Variants in OPCML observed in about 807,000 individuals in gnomAD.
The protein encoded by OPCML is opioid binding protein/cell adhesion molecule like, also known as opioid-binding protein/cell adhesion molecule.
In OPCML, 13 loss-of-function variants were observed where a neutral mutation model predicts 37.8. That is an observed-to-expected ratio of 0.34 (90% CI 0.22 to 0.55). The LOEUF (loss-of-function observed/expected upper bound fraction) is 0.55, where lower values mean the gene tolerates loss of function less well. OPCML is among the 20% of genes least tolerant of loss of function. The pLI, the probability that OPCML is intolerant of heterozygous loss-of-function variation, is 0.91. For missense variants in OPCML, 341 were observed against 435.6 expected, an observed-to-expected ratio of 0.78 and a Z score of 1.93; for synonymous variants, 176 against 168.8, an observed-to-expected ratio of 1.04 and a Z score of -0.33.
chr11:133,388,764 C>T (rs1222764245), intron 1 of OPCML, among the ~76,000 whole-genome samples: 3 of 152,104 alleles, frequency 2.0e-5, no homozygotes, highest in East Asian at 3.8e-4. Context: ...ATTGAGTTAT[C>T]ATATAAGGAT....
chr11:132,657,440 T>G, intron 2 of OPCML, 121 bp from the exon 3 acceptor site: 1 of 1,443,826 alleles, frequency 6.9e-7, no homozygotes, highest in East Asian at 2.5e-5. Flanking sequence ...CAAAACACAG[T>G]GCTAAAAGGA....
intron 3 of OPCML, among the ~76,000 whole-genome samples, chr11:132,618,954 TACACACAC>T (rs6144570): frequency 0.28 from 40,499 of 145,312 alleles, 6,427 homozygotes; most frequent in Non-Finnish European, 0.38. Flanking sequence ...AGCACACGCA[TACACACAC>T]ACACACACAC....
At chr11:133,373,448 T>TATATATATATATATATATATAC (rs966091785) in intron 1 of OPCML, among the ~76,000 whole-genome samples, 27 of 132,166 alleles carry the variant, frequency 2.0e-4, no homozygotes, top group African/African-American at 7.2e-4. Flanking sequence ...TATATATATA[T>TATATATATATATATATATATAC]ACACACACAC....
At chr11:132,883,726 A>G (rs1943305745) in intron 2 of OPCML, among the ~76,000 whole-genome samples, 1 of 152,210 alleles carries the variant, frequency 6.6e-6, no homozygotes, top group South Asian at 2.1e-4. Flanking sequence ...TTACCTATCA[A>G]GTTTATATTT....
intron 2 of OPCML, among the ~76,000 whole-genome samples, chr11:132,913,872 A>G (rs1944513072): frequency 1.3e-5 from 2 of 152,220 alleles, no homozygotes; most frequent in African/African-American, 4.8e-5. Context: ...AAGGTGGGCT[A>G]CATAGCACTC....
chr11:133,447,738 A>G (rs571246596), intron 1 of OPCML, among the ~76,000 whole-genome samples: 11 of 152,340 alleles, frequency 7.2e-5, no homozygotes, highest in African/African-American at 2.2e-4. Context: ...TCCATGGAGT[A>G]TATATACCAC....
At chr11:133,225,070 G>A (rs1438046684) in intron 1 of OPCML, among the ~76,000 whole-genome samples, 1 of 152,206 alleles carries the variant, frequency 6.6e-6, no homozygotes, top group African/African-American at 2.4e-5. Context: ...GAAGTGCTCT[G>A]TAAATGTGTA....
chr11:133,291,464 T>G (rs1942472349), intron 1 of OPCML, among the ~76,000 whole-genome samples: 1 of 152,176 alleles, frequency 6.6e-6, no homozygotes, highest in Non-Finnish European at 1.5e-5. Flanking sequence ...CTGCTGCTGG[T>G]GGGCACCCCT....
intron 2 of OPCML, among the ~76,000 whole-genome samples, chr11:132,827,858 C>T (rs111372996): frequency 2.9e-3 from 432 of 151,170 alleles, no homozygotes; most frequent in Admixed American, 4.5e-3. Flanking sequence ...GTTTTGATCT[C>T]CTGACCTCAT....
chr11:132,708,249 A>C (rs770186321), intron 2 of OPCML, among the ~76,000 whole-genome samples: 9 of 152,200 alleles, frequency 5.9e-5, no homozygotes, highest in Non-Finnish European at 1.3e-4. Flanking sequence ...TGTAACTATA[A>C]CTCTATAACC....
chr11:133,090,460 A>G (rs976673543), intron 1 of OPCML, among the ~76,000 whole-genome samples: 5 of 152,254 alleles, frequency 3.3e-5, no homozygotes, highest in Non-Finnish European at 7.3e-5. Flanking sequence ...CAAAGTGGTC[A>G]TGAACAGAAT....
chr11:133,347,230 G>A (rs1944023998), intron 1 of OPCML, among the ~76,000 whole-genome samples: 1 of 152,220 alleles, frequency 6.6e-6, no homozygotes, highest in Non-Finnish European at 1.5e-5. Flanking sequence ...AGAGTGGCCT[G>A]TTGCTGCTAC....
chr11:133,140,952 A>AGACGAAGAC (rs1160992576), intron 1 of OPCML, among the ~76,000 whole-genome samples: 101 of 2,030 alleles, frequency 0.05, 10 homozygotes, highest in African/African-American at 0.069. Flanking sequence ...AAGACGACGA[A>AGACGAAGAC]GAAGAAGAAG....
chr11:133,523,402 T>A (rs547848399), intron 1 of OPCML, among the ~76,000 whole-genome samples: 12 of 152,260 alleles, frequency 7.9e-5, no homozygotes, highest in African/African-American at 2.6e-4. Context: ...GACTCCCACC[T>A]ACAACTTTCC....
chr11:132,665,127 G>A (rs1301862680), intron 2 of OPCML, among the ~76,000 whole-genome samples: 1 of 152,168 alleles, frequency 6.6e-6, no homozygotes, highest in Admixed American at 6.6e-5. Context: ...CGGGAGGGGA[G>A]GTTATGCAGA....
intron 3 of OPCML, among the ~76,000 whole-genome samples, chr11:132,575,758 T>A (rs1301021784): frequency 6.6e-6 from 1 of 152,094 alleles, no homozygotes. Flanking sequence ...TGTATTGTAT[T>A]GTATTGCTAT....
At chr11:132,550,368 A>T (rs2096378706) in intron 3 of OPCML, among the ~76,000 whole-genome samples, 1 of 152,094 alleles carries the variant, frequency 6.6e-6, no homozygotes, top group African/African-American at 2.4e-5. Context: ...TGCTGTCCTC[A>T]TGATAGTGAG....
intron 1 of OPCML, among the ~76,000 whole-genome samples, chr11:133,486,276 G>GT (rs1381097047): frequency 6.6e-6 from 1 of 152,026 alleles, no homozygotes; most frequent in Non-Finnish European, 1.5e-5. Flanking sequence ...TGTTTCCTCT[G>GT]TTTCATTCTT....
chr11:132,837,141 C>T (rs34125693), intron 2 of OPCML, among the ~76,000 whole-genome samples: 10,136 of 151,994 alleles, frequency 0.067, 390 homozygotes, highest in Non-Finnish European at 0.076. Context: ...ATGGAGAAAC[C>T]CCGTCTCTAC....
Sources: gnomAD v4.1 joint callset for allele counts (sites outside exome capture counted in the v4.1 genomes callset) on GRCh38, gnomAD v4.1.1 for gene constraint, MANE v1.5 for transcripts, NCBI Gene and HGNC (gene_info 2026-07-23, HGNC 2026-07-21) for gene names.